ZFYVE9: variants seen among roughly 807,000 people sequenced by gnomAD.
The protein encoded by ZFYVE9 is zinc finger FYVE-type containing 9.
ZFYVE9 carries 43 observed loss-of-function variants against 126.7 expected under a neutral mutation model. That is an observed-to-expected ratio of 0.34 (90% CI 0.27 to 0.44). The LOEUF is 0.44. ZFYVE9 is among the 20% of genes least tolerant of loss of function. The probability of loss-of-function intolerance (pLI) is 1.00; values close to 1 mark genes in which losing one functional copy is unlikely to be tolerated. For synonymous variants in ZFYVE9, 521 were observed against 597.4 expected (o/e 0.87, Z 1.87); for missense variants, 1,476 against 1,697.0 (o/e 0.87, Z 2.29).
chr1:52,315,011 A>G (rs1646170692), intron 13 of ZFYVE9, among the ~76,000 whole-genome samples: 1 of 152,220 alleles, frequency 6.6e-6, no homozygotes, highest in African/African-American at 2.4e-5. Flanking sequence ...CAAGAAATGT[A>G]AAGTCCATCA....
Position 52,233,163 on chromosome 1 carries a change from C to A in ZFYVE9, c.-36-8C>A. ...TAATTCAAAATGTAATACGCATTTA[C>A]TTTTTAGGTTTAAACAAGTCTCTTA... On this transcript the variant is annotated splice_polypyrimidine_tract_variant and splice_region_variant and intron_variant, in intron 2 of 18. Coordinates refer to ENST00000287727, the MANE Select transcript of ZFYVE9 (RefSeq NM_004799.4). The A allele has an allele frequency of 7.3e-7, 1 of 1,364,860 alleles. No homozygotes were observed. Among genetic ancestry groups the A allele is most frequent in the Non-Finnish European group, 9.9e-7 (1 of 1,014,800 alleles). 84.5% of individuals were successfully genotyped at this position (1,364,860 alleles called of 1,614,324 possible). A position where few individuals can be genotyped will look rare whatever the true frequency, so the allele number is the denominator to read the frequency against.
intron 9 of ZFYVE9, among the ~76,000 whole-genome samples, chr1:52,281,196 G>C (rs192058110): frequency 0.035 from 5,221 of 147,450 alleles, 337 homozygotes; most frequent in African/African-American, 0.12. Context: ...GCAGTGGCTC[G>C]ATCTCGGCTC....
chr1:52,226,751 G>A (rs887848680), intron 2 of ZFYVE9, among the ~76,000 whole-genome samples: 4 of 152,182 alleles, frequency 2.6e-5, no homozygotes, highest in Non-Finnish European at 5.9e-5. Flanking sequence ...CATTGGTTCT[G>A]TCCGGAAAGG....
At chr1:52,316,270 G>A (rs1368862918) in intron 13 of ZFYVE9, among the ~76,000 whole-genome samples, 1 of 150,858 alleles carries the variant, frequency 6.6e-6, no homozygotes, top group Non-Finnish European at 1.5e-5. Flanking sequence ...TGCATCACCT[G>A]AGGTCAGGCG....
intron 1 of ZFYVE9, among the ~76,000 whole-genome samples, chr1:52,174,263 C>G (rs1316183904): frequency 6.6e-6 from 1 of 151,868 alleles, no homozygotes; most frequent in African/African-American, 2.4e-5. Flanking sequence ...TGTTATGTAC[C>G]CAGTAGTCAT....
intron 1 of ZFYVE9, among the ~76,000 whole-genome samples, chr1:52,213,496 A>G (rs1645045725): frequency 6.6e-6 from 1 of 151,900 alleles, no homozygotes; most frequent in Admixed American, 6.6e-5. Flanking sequence ...ACTAAAATAC[A>G]AAAAAATTAG....
Position 52,290,259 on chromosome 1 carries a change from G to C in ZFYVE9, c.3026-3194G>C, listed in dbSNP as rs571803123. 3.3e-5 allele frequency among the ~76,000 whole-genome samples: 5 copies of C among 152,300 alleles called. No individual in the cohort carries two copies. The East Asian group carries it at 7.7e-4, about 24-fold the overall frequency. On this transcript the variant is annotated intron_variant, in intron 10 of 18. Transcript: ENST00000287727. ...AGAGAAAGAATGTGCATGTGCGTGA[G>C]GGCATGTGTATAAGGGAGGGCAAAC...
intron 10 of ZFYVE9, among the ~76,000 whole-genome samples, chr1:52,287,853 T>G (rs1645877761): frequency 6.6e-6 from 1 of 152,150 alleles, no homozygotes; most frequent in African/African-American, 2.4e-5. Flanking sequence ...AGTGACACAG[T>G]GAGACCCTAT....
At chr1:52,188,512 G>C (rs2124551777) in intron 1 of ZFYVE9, among the ~76,000 whole-genome samples, 1 of 152,204 alleles carries the variant, frequency 6.6e-6, no homozygotes, top group African/African-American at 2.4e-5. Flanking sequence ...AAATTGCCTA[G>C]TTTATCCAAC....
rs756105356 is a variant in ZFYVE9 at position 52,239,374 on chromosome 1, G to A, written c.1957G>A (p.Glu653Lys). The A allele has an allele frequency of 4.4e-5, 71 of 1,613,530 alleles. No homozygotes were observed. Among genetic ancestry groups the A allele is most frequent in the South Asian group, 8.8e-5 (8 of 91,038 alleles). Residue 653 changes from glutamate to lysine, a missense_variant, in exon 4 of 19, where the codon GAG becomes AAG. By Grantham distance (56) the Glu-to-Lys change is moderately conservative. Around this residue, in one of 2 missense-constraint regions of ZFYVE9, gnomAD observed 807 missense variants for 794.6 expected, o/e 1.02. Coordinates refer to ENST00000287727, the MANE Select transcript of ZFYVE9 (RefSeq NM_004799.4). ...AAATGGGGAACATTTAGAAAGTTAT[G>A]AGGCTGAGATCTCCACTAGACCATG... ...DTNGEHLESYEAEISTRPCLA... is the reference protein window; with the variant it reads ...DTNGEHLESYKAEISTRPCLA...
intron 13 of ZFYVE9, among the ~76,000 whole-genome samples, chr1:52,326,308 A>G (rs548387856): frequency 1.8e-4 from 27 of 152,356 alleles, no homozygotes; most frequent in African/African-American, 6.0e-4. Flanking sequence ...TGTAAGGTTC[A>G]GTAGGCAGGG....
chr1:52,196,423 G>A (rs1337260147), intron 1 of ZFYVE9, among the ~76,000 whole-genome samples: 1 of 152,110 alleles, frequency 6.6e-6, no homozygotes. Flanking sequence ...ATCACTTGAG[G>A]CCAGGAGTTC....
intron 2 of ZFYVE9, among the ~76,000 whole-genome samples, chr1:52,218,580 G>A (rs986865354): frequency 5.3e-5 from 8 of 152,190 alleles, no homozygotes; most frequent in African/African-American, 1.9e-4. Context: ...CCGAGTGGGA[G>A]GGGAACAGTT....
intron 1 of ZFYVE9, among the ~76,000 whole-genome samples, chr1:52,165,069 A>G (rs2124516883): frequency 6.6e-6 from 1 of 152,314 alleles, no homozygotes; most frequent in Non-Finnish European, 1.5e-5. Context: ...CACTTTTAAA[A>G]ATAGCTAAAA....
chr1:52,334,135 C>A (rs1021380589), intron 14 of ZFYVE9, among the ~76,000 whole-genome samples: 2 of 151,688 alleles, frequency 1.3e-5, no homozygotes, highest in Non-Finnish European at 2.9e-5. Context: ...AGTTGGCAAC[C>A]ATATTTCTAT....
intron 4 of ZFYVE9, among the ~76,000 whole-genome samples, chr1:52,247,199 C>T (rs1645395078): frequency 6.6e-6 from 1 of 152,154 alleles, no homozygotes; most frequent in African/African-American, 2.4e-5. Flanking sequence ...TAGGCCCTCA[C>T]TCAGTACCAA....
rs143844002 is a variant in ZFYVE9 at position 52,343,123 on chromosome 1, C to T, written c.3940-1645C>T. ...ATTTTTAGTAGAGACGGGGTTTCAC[C>T]GTGTTAGCCAGGATGATCTTGATCT... On this transcript the variant is annotated intron_variant, in intron 17 of 18. Transcript: ENST00000287727. Among the ~76,000 whole-genome samples the T allele has an allele frequency of 8.6e-3, 1,302 of 151,536 alleles. 57 individuals carry two copies. In the East Asian group the frequency reaches 0.11, roughly 13 times the overall value.
intron 13 of ZFYVE9, among the ~76,000 whole-genome samples, chr1:52,314,867 C>T (rs1359064041): frequency 2.0e-5 from 3 of 151,764 alleles, no homozygotes; most frequent in Non-Finnish European, 4.4e-5. Context: ...CCTGTAGTCC[C>T]AGCTACTCAG....
At chr1:52,314,515 T>A (rs1203689454) in intron 13 of ZFYVE9, among the ~76,000 whole-genome samples, 6 of 152,142 alleles carry the variant, frequency 3.9e-5, no homozygotes, top group Admixed American at 3.9e-4. Context: ...AAGCCCCATC[T>A]CTACTAAAAG....
Sources: gnomAD v4.1 joint callset for allele counts (sites outside exome capture counted in the v4.1 genomes callset) on GRCh38, gnomAD v4.1.1 for gene constraint, gnomAD v4.1.1 regional missense constraint, MANE v1.5 for transcripts, NCBI Gene and HGNC (gene_info 2026-07-23, HGNC 2026-07-21) for gene names.